Variants in EP300 observed in about 807,000 individuals in gnomAD.
The protein encoded by EP300 is EP300 lysine acetyltransferase.
In EP300, 31 loss-of-function variants were observed where a neutral mutation model predicts 264.0. That is an observed-to-expected ratio of 0.12 (90% CI 0.09 to 0.16). EP300 has a LOEUF of 0.16. EP300 is among the 10% of genes least tolerant of loss of function. The pLI is 1.00. For missense variants in EP300, 2,766 were observed against 3,052.9 expected (o/e 0.91, Z 2.21); for synonymous variants, 1,340 against 1,045.4 (o/e 1.28, Z -5.44).
rs778599667 is a variant in EP300, at chr22:41,178,137, G to A, written c.6426G>A (p.Arg2142=). The change falls in exon 31 of 31, where the codon AGG becomes AGA. Residue 2142 remains arginine (R), a synonymous_variant. Transcript: ENST00000263253. ...NMNPMQAGVQ[R]AGLPQQQPQQ... Reference sequence around the variant, plus strand: ...ATCCAATGCAGGCGGGCGTTCAGAGGGCTGGCCTGCCCCAGCAGCAACCAC... The same window carrying A: ...ATCCAATGCAGGCGGGCGTTCAGAGAGCTGGCCTGCCCCAGCAGCAACCAC... The A allele has an allele frequency of 1.8e-5, 29 of 1,614,076 alleles. No homozygotes were observed. The South Asian group carries it at 3.2e-4, about 18-fold the overall frequency.
At chr22:41,141,324 T>G (rs2022639908) in intron 10 of EP300, 102 bp downstream of exon 10, 2 of 1,301,216 alleles carry the variant, frequency 1.5e-6, no homozygotes, top group Non-Finnish European at 2.2e-6. Context: ...TATTCTAGAG[T>G]TTTTTAAATA....
chr22:41,121,100 TC>T lies in EP300; in HGVS notation c.729+3280del, dbSNP rs544840075. Among the ~76,000 whole-genome samples the T allele has an allele frequency of 2.6e-5, 4 of 152,358 alleles. No homozygotes were observed. The South Asian group carries it at 6.2e-4, about 24-fold the overall frequency. The stretch of plus-strand genomic sequence containing the variant: ...AGGAGGATCTCTTGAAGCCAGAAGT[TC>T]GAGATGTGCCTGGGCAACATAATGA... On this transcript the variant is annotated intron_variant, in intron 2 of 30. Transcript: ENST00000263253.
Position 41,170,550 on chromosome 22 carries a change from G to A in EP300, c.4431G>A (p.Glu1477=), listed in dbSNP as rs1385723029. 1 of 1,613,920 alleles carries A rather than the reference G, an allele frequency of 6.2e-7. No homozygotes were observed. The highest frequency in any genetic ancestry group is 1.7e-5 in the Admixed American group (1 of 60,002). Residue 1477 remains glutamate, a synonymous_variant, in exon 27 of 31, where the codon GAG becomes GAA. Transcript: ENST00000263253. ...AAATGCTTGACAAGGCTGTATCAGA[G>A]CGTATTGTCCATGACTACAAGGTCA... ...YKKMLDKAVS[E]RIVHDYKDIF...
At position 41,126,031 on chromosome 22, in the gene EP300, G is replaced by A. The variant is rs2145708083; in HGVS notation, c.897G>A (p.Met299Ile). 1.9e-6 allele frequency: 3 copies of A among 1,614,092 alleles called. No individual in the cohort carries two copies. The highest frequency in any genetic ancestry group is 2.2e-5 in the South Asian group (2 of 91,084). The change falls in exon 3 of 31, where the codon ATG becomes ATA. Residue 299 changes from methionine to isoleucine, a missense_variant. By Grantham distance (10) the Met-to-Ile change is conservative. Coordinates refer to ENST00000263253, the MANE Select transcript of EP300 (RefSeq NM_001429.4). ...AAAAGGCAGTTCCTGGTGGAGGAAT[G>A]CCCAACATGGTGAGTACTAATCCAT... The part of the protein sequence containing the change: ...MDKKAVPGGG[M>I]PNMGQQPAPQ...
intron 19 of EP300, chr22:41,159,663 T>G (rs1420491398): frequency 1.3e-5 from 2 of 152,178 alleles, no homozygotes; most frequent in Non-Finnish European, 2.9e-5. Flanking sequence ...TGCAGGCTTT[T>G]CAATAAACAG....
chr22:41,124,263 A>G (rs749496155), intron 2 of EP300, among the ~76,000 whole-genome samples: 2 of 152,144 alleles, frequency 1.3e-5, no homozygotes, highest in Admixed American at 6.5e-5. Context: ...AGAAGTACAT[A>G]AGGGTTGCAA....
chr22:41,177,904 C>T lies in EP300; in HGVS notation c.6193C>T (p.Leu2065=), dbSNP rs377556812. 8.7e-6 allele frequency: 14 copies of T among 1,614,090 alleles called. No individual in the cohort carries two copies. The highest frequency in any genetic ancestry group is 5.3e-5 in the African/African-American group (4 of 74,918). ...GACTCTCAGGTCTCCCAGCTCTCCCCTGCAGCAGCAACAGGTGCTTAGTAT... is the reference window on the plus strand; with the variant it reads ...GACTCTCAGGTCTCCCAGCTCTCCCTTGCAGCAGCAACAGGTGCTTAGTAT... ...LRTLRSPSSP[L]QQQQVLSILH... The change falls in exon 31 of 31, where the codon CTG becomes TTG. Residue 2065 remains leucine, a synonymous_variant. Transcript: ENST00000263253.
Position 41,178,800 on chromosome 22 carries a change from T to C in EP300, c.7089T>C (p.His2363=). 6.2e-7 allele frequency: 1 copy of C among 1,614,128 alleles called. No individual in the cohort carries two copies. Among genetic ancestry groups the C allele is most frequent in the Non-Finnish European group, 8.5e-7 (1 of 1,180,032 alleles). The change falls in exon 31 of 31, where the codon CAT becomes CAC. Residue 2363 remains histidine (H), a synonymous_variant. Coordinates refer to ENST00000263253, the MANE Select transcript of EP300 (RefSeq NM_001429.4). ...AAQANPMEQG[H]FASPDQNSML... is the part of the protein sequence containing the mutation. ...AGGCCAACCCCATGGAACAAGGGCATTTTGCCAGCCCGGACCAGAATTCAA... is the reference window on the plus strand; with the variant it reads ...AGGCCAACCCCATGGAACAAGGGCACTTTGCCAGCCCGGACCAGAATTCAA...
intron 26 of EP300, among the ~76,000 whole-genome samples, chr22:41,170,137 G>A (rs1293234944): frequency 6.6e-6 from 1 of 152,202 alleles, no homozygotes; most frequent in Admixed American, 6.5e-5. Flanking sequence ...TTTGGATCCA[G>A]GGCTAAGTCA....
chr22:41,141,408 C>T (rs543524422), intron 10 of EP300, among the ~76,000 whole-genome samples, 186 bp downstream of exon 10: 63 of 152,310 alleles, frequency 4.1e-4, no homozygotes, highest in South Asian at 1.9e-3. Flanking sequence ...TTTAAGATGT[C>T]TGGGCATGGT....
At chr22:41,119,645 T>C (rs561037143) in intron 2 of EP300, among the ~76,000 whole-genome samples, 63 of 152,232 alleles carry the variant, frequency 4.1e-4, no homozygotes, top group Admixed American at 5.9e-4. Context: ...GAAAGGCTCA[T>C]TGACATCTGC....
chr22:41,178,729 G>C lies in EP300; in HGVS notation c.7018G>C (p.Val2340Leu), dbSNP rs558456063. Residue 2340 changes from valine (V) to leucine (L), a missense_variant, in exon 31 of 31, where the codon GTT becomes CTT. By Grantham distance (32) the Val-to-Leu change is conservative. Transcript: ENST00000263253. ...RMQPQPSPHH[V>L]SPQTSSPHPG... ...GCAGCCTCAGCCTTCTCCACACCAC[G>C]TTTCCCCACAGACAAGTTCCCCACA... 1 of 1,613,960 alleles carries C rather than the reference G, an allele frequency of 6.2e-7. No individual in the cohort carries two copies. The highest frequency in any genetic ancestry group is 1.1e-5 in the South Asian group (1 of 91,070).
chr22:41,179,533 T>TAA lies in EP300; in HGVS notation c.*591_*592dup, dbSNP rs60283061. The TAA allele has an allele frequency of 0.013, 2,110 of 164,246 alleles. No individual in the cohort carries two copies. The highest frequency in any genetic ancestry group is 0.023 in the Middle Eastern group (10 of 434). 10.2% of individuals were successfully genotyped at this position (164,246 alleles called of 1,614,324 possible). On this transcript the variant is annotated 3_prime_UTR_variant, in exon 31 of 31. Coordinates refer to ENST00000263253, the MANE Select transcript of EP300 (RefSeq NM_001429.4). Reference sequence around the variant, plus strand: ...GATGTTCATTCTTTTAAAAAATGTTTAAAAAAAAAAAAAAACTGCCTTTCT... The same window carrying TAA: ...GATGTTCATTCTTTTAAAAAATGTTTAAAAAAAAAAAAAAAAACTGCCTTTCT...
chr22:41,170,943 A>T (rs369785217), intron 27 of EP300, among the ~76,000 whole-genome samples: 34 of 148,278 alleles, frequency 2.3e-4, no homozygotes, highest in Non-Finnish European at 3.7e-4. Context: ...GATTACAGGC[A>T]TGAGCCACCG....
At chr22:41,094,333 C>T (rs2058690504) in intron 1 of EP300, among the ~76,000 whole-genome samples, 1 of 152,158 alleles carries the variant, frequency 6.6e-6, no homozygotes, top group Admixed American at 6.5e-5. Flanking sequence ...TTGTAGAGAA[C>T]TTCGAGAGCA....
chr22:41,137,919 C>G lies in EP300; in HGVS notation c.1760+129C>G, dbSNP rs189212833. ...TGTAGCATGGAGGTTGATGTTGATACTTCTACTCTTGTGGATTTCTTGCTG... is the reference window on the plus strand; with the variant it reads ...TGTAGCATGGAGGTTGATGTTGATAGTTCTACTCTTGTGGATTTCTTGCTG... On this transcript the variant is annotated intron_variant, in intron 8 of 30. Coordinates refer to ENST00000263253, the MANE Select transcript of EP300 (RefSeq NM_001429.4). 1.8e-5 allele frequency: 22 copies of G among 1,251,604 alleles called. No homozygotes were observed. In the African/African-American group the frequency reaches 3.3e-4, roughly 19 times the overall value. The allele number at this position is 1,251,604 out of a possible 1,614,324, so 77.5% of individuals were successfully genotyped here.
chr22:41,157,008 A>G lies in EP300; in HGVS notation c.3262-161A>G, dbSNP rs200724908. On this transcript the variant is annotated intron_variant, in intron 17 of 30. Coordinates refer to ENST00000263253, the MANE Select transcript of EP300 (RefSeq NM_001429.4). ...GAGTAGTTTAATATCTCTGTAAACT[A>G]ATATTTAAAGAAGTGATGGACATCA... is the stretch of plus-strand genomic sequence containing the variant. Among the ~76,000 whole-genome samples the G allele has an allele frequency of 4.6e-5, 7 of 152,368 alleles. No homozygotes were observed. The East Asian group carries it at 1.3e-3, about 29-fold the overall frequency.
chr22:41,093,552 C>T (rs1448948307), intron 1 of EP300, among the ~76,000 whole-genome samples: 1 of 152,142 alleles, frequency 6.6e-6, no homozygotes, highest in Non-Finnish European at 1.5e-5. Context: ...AGAATATTTT[C>T]TGTTGAGGAA....
chr22:41,161,149 G>A (rs905066327), intron 20 of EP300, among the ~76,000 whole-genome samples: 4 of 152,194 alleles, frequency 2.6e-5, no homozygotes, highest in African/African-American at 9.7e-5. Flanking sequence ...TTGAACTGAT[G>A]ACCACCTTAC....
Sources: gnomAD v4.1 joint callset for allele counts (sites outside exome capture counted in the v4.1 genomes callset) on GRCh38, gnomAD v4.1.1 for gene constraint, MANE v1.5 for transcripts, NCBI Gene and HGNC (gene_info 2026-07-23, HGNC 2026-07-21) for gene names.